Variants in CDKAL1 observed in about 807,000 individuals in gnomAD.
The protein encoded by CDKAL1 is CDKAL1 threonylcarbamoyladenosine tRNA methylthiotransferase.
CDKAL1 carries 32 observed loss-of-function variants against 68.2 expected under a neutral mutation model. The observed-to-expected ratio is 0.47, with a 90% CI of 0.35 to 0.63. CDKAL1 has a LOEUF of 0.63. Among genes scored for constraint, CDKAL1 ranks in the 30% least tolerant of loss-of-function variants. The pLI is 0.00. For missense variants in CDKAL1, 606 were observed against 696.7 expected (o/e 0.87, Z 1.47); for synonymous variants, 234 against 244.3 (o/e 0.96, Z 0.39).
intron 4 of CDKAL1, among the ~76,000 whole-genome samples, chr6:20,561,446 GAAAAAAAAAAAAA>G (rs55750789): frequency 5.0e-5 from 4 of 79,648 alleles, no homozygotes; most frequent in Admixed American, 5.0e-4. Flanking sequence ...TCTCAAAAAA[GAAAAAAAAAAAAA>G]AAAAAAAAAA....
chr6:20,613,698 TTATTC>T (rs1384518511), intron 4 of CDKAL1, among the ~76,000 whole-genome samples: 5 of 150,492 alleles, frequency 3.3e-5, no homozygotes, highest in Non-Finnish European at 7.4e-5. Context: ...GCCATTCCTT[TTATTC>T]TAGACATTTT....
At chr6:20,546,574 GAC>G (rs1382548085) in intron 3 of CDKAL1, 51 bp downstream of exon 3, 1 of 1,517,700 alleles carries the variant, frequency 6.6e-7, no homozygotes, top group South Asian at 1.2e-5. Context: ...TTTCTTTTGA[GAC>G]AGAGTCTTGC....
At chr6:21,057,134 G>A (rs576428386) in intron 11 of CDKAL1, among the ~76,000 whole-genome samples, 2 of 152,290 alleles carry the variant, frequency 1.3e-5, no homozygotes, top group East Asian at 1.9e-4. Flanking sequence ...TAATTCAGCT[G>A]TAAATCCATC....
chr6:20,691,584 T>C (rs1770872084), intron 5 of CDKAL1, among the ~76,000 whole-genome samples: 1 of 152,040 alleles, frequency 6.6e-6, no homozygotes, highest in Non-Finnish European at 1.5e-5. Flanking sequence ...TGTTGCCTCC[T>C]CTCTTACCGT....
chr6:20,653,793 A>G (rs1369877135), intron 5 of CDKAL1, among the ~76,000 whole-genome samples: 3 of 151,916 alleles, frequency 2.0e-5, no homozygotes, highest in African/African-American at 4.8e-5. Context: ...TTTTGTTTTT[A>G]GTAGAGATGG....
chr6:20,652,411 C>A lies in CDKAL1; in HGVS notation c.371+3034C>A, dbSNP rs1457124568. ...TGAAGGGAGGTGGGCATATTAAGTCCTTGCTTCTTTCTTTGTTCCCTCAAG... is the reference window on the plus strand; with the variant it reads ...TGAAGGGAGGTGGGCATATTAAGTCATTGCTTCTTTCTTTGTTCCCTCAAG... On this transcript the variant is annotated intron_variant, in intron 5 of 15. Coordinates refer to ENST00000274695, the MANE Select transcript of CDKAL1 (RefSeq NM_017774.3). Among the ~76,000 whole-genome samples, 4 of 152,150 alleles carry A rather than the reference C, an allele frequency of 2.6e-5. No individual in the cohort carries two copies. In the East Asian group the frequency reaches 7.7e-4, roughly 29 times the overall value.
At chr6:20,873,564 C>T (rs764916747) in intron 9 of CDKAL1, among the ~76,000 whole-genome samples, 1 of 152,048 alleles carries the variant, frequency 6.6e-6, no homozygotes, top group Admixed American at 6.6e-5. Context: ...TTTACATAGC[C>T]AGGAAGCGGT....
intron 11 of CDKAL1, among the ~76,000 whole-genome samples, chr6:21,056,671 G>A (rs1770854088): frequency 6.6e-6 from 1 of 152,074 alleles, no homozygotes; most frequent in South Asian, 2.1e-4. Context: ...GTCATAAATG[G>A]CTCTTATTAT....
chr6:20,648,044 C>A (rs113882812), intron 4 of CDKAL1, among the ~76,000 whole-genome samples: 5,426 of 145,482 alleles, frequency 0.037, 112 homozygotes, highest in Middle Eastern at 0.072. Flanking sequence ...CACTGCACTC[C>A]AGCCTGGGTG....
chr6:20,561,407 A>T (rs1238282323), intron 4 of CDKAL1, among the ~76,000 whole-genome samples: 1 of 135,730 alleles, frequency 7.4e-6, no homozygotes, highest in Non-Finnish European at 1.5e-5. Flanking sequence ...ACAACACTGC[A>T]CTCCAGCCTG....
At chr6:20,931,802 C>T (rs746006932) in intron 9 of CDKAL1, among the ~76,000 whole-genome samples, 1 of 152,120 alleles carries the variant, frequency 6.6e-6, no homozygotes, top group Non-Finnish European at 1.5e-5. Flanking sequence ...GCTCCTTACC[C>T]GAAAGAACCT....
chr6:21,100,237 A>G (rs898358356), intron 12 of CDKAL1, among the ~76,000 whole-genome samples: 26 of 152,200 alleles, frequency 1.7e-4, no homozygotes, highest in African/African-American at 6.0e-4. Flanking sequence ...GTGATTTAAA[A>G]TCAGCTGTAC....
At chr6:20,944,874 T>C (rs577485890) in intron 9 of CDKAL1, among the ~76,000 whole-genome samples, 28 of 152,328 alleles carry the variant, frequency 1.8e-4, no homozygotes, top group Admixed American at 1.3e-3. Flanking sequence ...CTTAGAAATT[T>C]TAAATTGAAG....
chr6:20,988,182 A>ATGTG (rs58720900), intron 10 of CDKAL1, among the ~76,000 whole-genome samples: 12,051 of 137,332 alleles, frequency 0.088, 766 homozygotes, highest in African/African-American at 0.17. Flanking sequence ...GAAACATAAT[A>ATGTG]TGTGTGTGTG....
chr6:21,045,648 A>G (rs901171906), intron 11 of CDKAL1, among the ~76,000 whole-genome samples: 4 of 152,216 alleles, frequency 2.6e-5, no homozygotes, highest in East Asian at 1.9e-4. Flanking sequence ...CAGTAAATGC[A>G]TAAGTAAAGC....
At chr6:21,217,139 AT>A (rs34921405) in intron 15 of CDKAL1, among the ~76,000 whole-genome samples, 6,026 of 151,994 alleles carry the variant, frequency 0.04, 384 homozygotes, top group African/African-American at 0.13. Context: ...GAGGTTGAGC[AT>A]TTTTTTTAAA....
At chr6:20,942,238 A>G (rs557143831) in intron 9 of CDKAL1, among the ~76,000 whole-genome samples, 111 of 152,234 alleles carry the variant, frequency 7.3e-4, no homozygotes, top group African/African-American at 2.3e-3. Context: ...TACATCATTT[A>G]TAGTGTAAGA....
chr6:20,797,907 T>C (rs530327374), intron 8 of CDKAL1, among the ~76,000 whole-genome samples: 112 of 151,746 alleles, frequency 7.4e-4, no homozygotes, highest in African/African-American at 2.7e-3. Flanking sequence ...TTCTCTGTCT[T>C]CTGGGGTCAA....
At chr6:21,049,255 T>C (rs1238748446) in intron 11 of CDKAL1, among the ~76,000 whole-genome samples, 1 of 152,200 alleles carries the variant, frequency 6.6e-6, no homozygotes, top group Non-Finnish European at 1.5e-5. Flanking sequence ...TCATCTTATC[T>C]CTAAATGGAA....
Sources: gnomAD v4.1 joint callset for allele counts (sites outside exome capture counted in the v4.1 genomes callset) on GRCh38, gnomAD v4.1.1 for gene constraint, MANE v1.5 for transcripts, NCBI Gene and HGNC (gene_info 2026-07-23, HGNC 2026-07-21) for gene names.